ANKRD12: variants seen among roughly 807,000 people sequenced by gnomAD.
The protein encoded by ANKRD12 is ankyrin repeat domain 12, also known as ankyrin repeat domain-containing protein 12.
Under a neutral mutation model 183.4 loss-of-function variants are expected in ANKRD12, and 85 were observed. That is an observed-to-expected ratio of 0.46 (90% CI 0.39 to 0.56). ANKRD12 has a LOEUF of 0.56. Ranked by LOEUF, ANKRD12 falls within the 20% of genes least tolerant of loss-of-function variation. The pLI, the probability that ANKRD12 is intolerant of heterozygous loss-of-function variation, is 0.00. For missense variants in ANKRD12, 2,405 were observed against 2,357.1 expected (o/e 1.02, Z -0.42); for synonymous variants, 914 against 800.2 (o/e 1.14, Z -2.40).
intron 1 of ANKRD12, among the ~76,000 whole-genome samples, chr18:9,159,349 A>G (rs28578690): frequency 0.08 from 12,226 of 152,244 alleles, 517 homozygotes; most frequent in Non-Finnish European, 0.089. Context: ...CATTCTAGCC[A>G]CCTTCTGACT....
chr18:9,210,725 CAA>C (rs71168045), intron 5 of ANKRD12, among the ~76,000 whole-genome samples: 19 of 84,598 alleles, frequency 2.2e-4, no homozygotes, highest in Admixed American at 4.7e-4. Context: ...GACTCTGTCT[CAA>C]AAAAAAAAAA....
At chr18:9,267,739 A>C (rs1159492379) in intron 10 of ANKRD12, among the ~76,000 whole-genome samples, 4 of 152,022 alleles carry the variant, frequency 2.6e-5, no homozygotes, top group African/African-American at 9.7e-5. Flanking sequence ...AACACATTCA[A>C]AAGGTAGCAG....
At chr18:9,149,986 G>A (rs1173588306) in intron 1 of ANKRD12, among the ~76,000 whole-genome samples, 2 of 151,542 alleles carry the variant, frequency 1.3e-5, no homozygotes, top group Admixed American at 1.3e-4. Context: ...TGGTAGAGAC[G>A]GGGTTTCACC....
In ANKRD12 at chr18:9,211,572, T is replaced by G; in HGVS notation, c.452-12T>G. ...AGCCTAGAACTTCTGCTAACTTTCT[T>G]CTTTCTTACAGATTCCACACCAAAT... On this transcript the variant is annotated splice_polypyrimidine_tract_variant and intron_variant, in intron 5 of 12. Transcript: ENST00000262126. 6.2e-7 allele frequency: 1 copy of G among 1,611,744 alleles called. No individual in the cohort carries two copies. Among genetic ancestry groups the G allele is most frequent in the Non-Finnish European group, 8.5e-7 (1 of 1,178,710 alleles).
chr18:9,267,373 A>ACT (rs2039354353), intron 10 of ANKRD12, among the ~76,000 whole-genome samples: 1 of 152,228 alleles, frequency 6.6e-6, no homozygotes, highest in African/African-American at 2.4e-5. Context: ...AGTTGGAAGT[A>ACT]AAGCACTCCT....
intron 10 of ANKRD12, among the ~76,000 whole-genome samples, chr18:9,269,636 C>T (rs2039490063): frequency 1.3e-5 from 2 of 152,176 alleles, no homozygotes; most frequent in African/African-American, 4.8e-5. Flanking sequence ...GGATTAAAGA[C>T]TTAAATGTTA....
At chr18:9,192,570 G>A (rs2034519989) in intron 2 of ANKRD12, among the ~76,000 whole-genome samples, 1 of 151,874 alleles carries the variant, frequency 6.6e-6, no homozygotes, top group South Asian at 2.1e-4. Context: ...ATCTTTCTGT[G>A]CTCTGGTATT....
At position 9,254,628 on chromosome 18, in the gene ANKRD12, T is replaced by C. The variant is rs150317182; in HGVS notation, c.1361T>C (p.Met454Thr). ...ATCCCTGAAACATCAAATTCTGATATGCAAACCAAAAAGGAATATGTAGTT... is the reference window on the plus strand; with the variant it reads ...ATCCCTGAAACATCAAATTCTGATACGCAAACCAAAAAGGAATATGTAGTT... ...SVIPETSNSD[M>T]QTKKEYVVSG... The change falls in exon 9 of 13, where the codon ATG (methionine) becomes ACG (threonine). Residue 454 changes from methionine (M) to threonine (T), a missense_variant. This residue lies in a region of ANKRD12 where 1,983 missense variants were observed against 1,725.9 expected (regional missense o/e 1.15). Coordinates refer to ENST00000262126, the MANE Select transcript of ANKRD12 (RefSeq NM_015208.5). The C allele has an allele frequency of 1.7e-4, 265 of 1,581,464 alleles. 1 individual carries two copies. The Middle Eastern group carries it at 3.7e-3, about 22-fold the overall frequency.
At chr18:9,186,686 G>T (rs11876821) in intron 2 of ANKRD12, among the ~76,000 whole-genome samples, 15,244 of 151,072 alleles carry the variant, frequency 0.1, 939 homozygotes, top group African/African-American at 0.16. Context: ...AGAAGTTGGG[G>T]TAGGGGGTAG....
Position 9,258,688 on chromosome 18 carries a change from G to C in ANKRD12, c.5421G>C (p.Glu1807Asp), listed in dbSNP as rs762829065. The change falls in exon 9 of 13, where the codon GAG becomes GAC. Residue 1807 changes from glutamate (E) to aspartate (D), a missense_variant. This residue lies in a region of ANKRD12 where 1,983 missense variants were observed against 1,725.9 expected (regional missense o/e 1.15). Coordinates refer to ENST00000262126, the MANE Select transcript of ANKRD12 (RefSeq NM_015208.5). ...GTCCCTCTTTACTACAAGCAAAAGAGAAAACTCAGCAATCTCTGGCAGCCA... is the reference window on the plus strand; with the variant it reads ...GTCCCTCTTTACTACAAGCAAAAGACAAAACTCAGCAATCTCTGGCAGCCA... ...QVSPSLLQAK[E>D]KTQQSLAAIV... The C allele has an allele frequency of 1.2e-6, 2 of 1,613,874 alleles. No individual in the cohort carries two copies. Among genetic ancestry groups the C allele is most frequent in the South Asian group, 2.2e-5 (2 of 91,056 alleles).
chr18:9,195,450 C>G, intron 2 of ANKRD12, 101 bp from the exon 3 acceptor site: 3 of 785,950 alleles, frequency 3.8e-6, no homozygotes, highest in African/African-American at 1.8e-5. Flanking sequence ...ATAGGTAATA[C>G]TATCTCTTTT....
chr18:9,188,811 G>A (rs2034271131), intron 2 of ANKRD12, among the ~76,000 whole-genome samples: 2 of 152,196 alleles, frequency 1.3e-5, no homozygotes, highest in South Asian at 2.1e-4. Flanking sequence ...CAGAAAAGAT[G>A]GCAAGCTTAA....
At chr18:9,204,203 T>A (rs956802593) in intron 3 of ANKRD12, among the ~76,000 whole-genome samples, 2 of 152,230 alleles carry the variant, frequency 1.3e-5, no homozygotes, top group Non-Finnish European at 2.9e-5. Context: ...AAAAAGATAG[T>A]GTGTTTTAAT....
At chr18:9,214,478 A>C (rs748971412) in intron 6 of ANKRD12, among the ~76,000 whole-genome samples, 2 of 152,000 alleles carry the variant, frequency 1.3e-5, no homozygotes, top group Admixed American at 6.6e-5. Flanking sequence ...GACTGACACA[A>C]ATCATCTCCA....
chr18:9,203,225 A>G (rs1334792786), intron 3 of ANKRD12, among the ~76,000 whole-genome samples: 4 of 152,206 alleles, frequency 2.6e-5, no homozygotes, highest in Admixed American at 2.6e-4. Flanking sequence ...GTTGGTCTAA[A>G]TGTTATTGAT....
In ANKRD12 at chr18:9,189,987, A is replaced by G. The variant is rs989573096; in HGVS notation, c.88-5564A>G. 3.3e-5 allele frequency among the ~76,000 whole-genome samples: 5 copies of G among 152,224 alleles called. No individual in the cohort carries two copies. The East Asian group carries it at 9.6e-4, about 29-fold the overall frequency. On this transcript the variant is annotated intron_variant, in intron 2 of 12. Coordinates refer to ENST00000262126, the MANE Select transcript of ANKRD12 (RefSeq NM_015208.5). ...TATGCTTTGTAAGGCTGTAGCTGCCATAGAGAGTGATTCCTCTGATGGATT... is the reference window on the plus strand; with the variant it reads ...TATGCTTTGTAAGGCTGTAGCTGCCGTAGAGAGTGATTCCTCTGATGGATT...
intron 1 of ANKRD12, 37 bp from the exon 2 acceptor site, chr18:9,182,345 T>A: frequency 3.3e-6 from 1 of 302,224 alleles, no homozygotes; most frequent in Non-Finnish European, 5.6e-6. Flanking sequence ...CTATTGTATA[T>A]ATATTCAAAT....
chr18:9,227,438 A>G (rs1355848290), intron 8 of ANKRD12, among the ~76,000 whole-genome samples: 1 of 152,202 alleles, frequency 6.6e-6, no homozygotes, highest in Non-Finnish European at 1.5e-5. Flanking sequence ...ATAGAAGAAG[A>G]TGATTCCAGG....
chr18:9,184,123 T>A (rs2033884483), intron 2 of ANKRD12, among the ~76,000 whole-genome samples: 1 of 152,200 alleles, frequency 6.6e-6, no homozygotes, highest in Non-Finnish European at 1.5e-5. Flanking sequence ...TAACATCGAT[T>A]ACATCTAGAT....
Sources: allele counts gnomAD v4.1 joint callset (sites outside exome capture counted in the v4.1 genomes callset), GRCh38; gene constraint gnomAD v4.1.1; regional missense constraint gnomAD v4.1.1; transcripts MANE v1.5; gene names NCBI Gene and HGNC (gene_info 2026-07-23, HGNC 2026-07-21).